FIRRM: variants seen among roughly 807,000 people sequenced by gnomAD.
The protein encoded by FIRRM is FIGNL1 interacting regulator of recombination and mitosis, also known as FIGNL1-interacting regulator of recombination and mitosis.
At chr1:169,832,417 A>G in the FIRRM span, 1 of 1,610,038 alleles carries the variant, frequency 6.2e-7, no homozygotes, top group African/African-American at 1.3e-5. Context: ...CTTTTTCCAG[A>G]TAAAGTCATG....
At chr1:169,845,524 A>T in the FIRRM span, among the ~76,000 whole-genome samples, 1 of 152,232 alleles carries the variant, frequency 6.6e-6, no homozygotes, top group Non-Finnish European at 1.5e-5. Flanking sequence ...TTTCAAAATT[A>T]GAGTCAATCT....
the FIRRM span, chr1:169,802,811 T>C: frequency 1.4e-6 from 1 of 726,782 alleles, no homozygotes; most frequent in Non-Finnish European, 2.4e-6. Context: ...AGCTATGTAT[T>C]CTTATGTAAT....
At chr1:169,833,757 A>G in the FIRRM span, among the ~76,000 whole-genome samples, 5 of 152,172 alleles carry the variant, frequency 3.3e-5, no homozygotes, top group East Asian at 9.7e-4. Flanking sequence ...GCTTGCTTAC[A>G]AAAGAATTTT....
At chr1:169,848,867 G>A in the FIRRM span, among the ~76,000 whole-genome samples, 2 of 152,204 alleles carry the variant, frequency 1.3e-5, no homozygotes, top group Non-Finnish European at 2.9e-5. Flanking sequence ...AAATTTTTGA[G>A]ATTCATCAGA....
the FIRRM span, among the ~76,000 whole-genome samples, chr1:169,813,964 T>A: frequency 2.0e-5 from 3 of 152,242 alleles, no homozygotes; most frequent in African/African-American, 4.8e-5. Flanking sequence ...TGACTCTGTT[T>A]TAGTTGGGTA....
the FIRRM span, chr1:169,853,342 T>A: frequency 1.5e-5 from 5 of 324,454 alleles, no homozygotes; most frequent in African/African-American, 4.3e-5. Flanking sequence ...AGCTTACTCT[T>A]ATGTTAAAGA....
At chr1:169,795,536 T>C in the FIRRM span, 5 of 1,091,520 alleles carry the variant, frequency 4.6e-6, no homozygotes, top group Non-Finnish European at 5.6e-6. Flanking sequence ...GTAAATACTT[T>C]TGCTAGTGGA....
At chr1:169,809,998 C>T in the FIRRM span, among the ~76,000 whole-genome samples, 183 of 152,278 alleles carry the variant, frequency 1.2e-3, 1 homozygote, top group African/African-American at 4.3e-3. Context: ...AATATCAAGG[C>T]ACCAGTAGAT....
At chr1:169,813,565 G>A in the FIRRM span, among the ~76,000 whole-genome samples, 1 of 152,202 alleles carries the variant, frequency 6.6e-6, no homozygotes, top group Non-Finnish European at 1.5e-5. Context: ...TGATAGGATT[G>A]TGTTATCATT....
chr1:169,827,220 A>G, the FIRRM span: 1 of 1,598,718 alleles, frequency 6.3e-7, no homozygotes, highest in Non-Finnish European at 8.6e-7. Flanking sequence ...AAATAGATTT[A>G]ATGATAAATC....
the FIRRM span, chr1:169,837,108 C>T: frequency 1.9e-6 from 3 of 1,580,824 alleles, no homozygotes; most frequent in Non-Finnish European, 2.6e-6. Flanking sequence ...GAACTAGAAT[C>T]TCTGGTAAGA....
At chr1:169,827,678 C>T in the FIRRM span, 3 of 1,611,536 alleles carry the variant, frequency 1.9e-6, no homozygotes, top group South Asian at 2.2e-5. Flanking sequence ...AATCAGATTT[C>T]TGCTGAATTA....
the FIRRM span, chr1:169,803,999 AT>A: frequency 1.1e-6 from 1 of 917,840 alleles, no homozygotes; most frequent in Non-Finnish European, 1.5e-6. Flanking sequence ...ATGATCTCTA[AT>A]AGTATGAATT....
At chr1:169,800,223 T>A in the FIRRM span, among the ~76,000 whole-genome samples, 44 of 152,122 alleles carry the variant, frequency 2.9e-4, no homozygotes, top group Non-Finnish European at 3.7e-4. Flanking sequence ...ATATTTATTT[T>A]TTGGTAGACA....
chr1:169,820,189 A>G, the FIRRM span, among the ~76,000 whole-genome samples: 7 of 152,174 alleles, frequency 4.6e-5, no homozygotes, highest in African/African-American at 7.2e-5. Flanking sequence ...AAGATAAGAA[A>G]GGGAAAGGAG....
the FIRRM span, among the ~76,000 whole-genome samples, chr1:169,821,387 C>T: frequency 6.6e-6 from 1 of 152,074 alleles, no homozygotes; most frequent in Non-Finnish European, 1.5e-5. Flanking sequence ...ATTTAAATTT[C>T]TTTCACTTTC....
chr1:169,823,290 A>AT, the FIRRM span: 1 of 538,172 alleles, frequency 1.9e-6, no homozygotes, highest in Non-Finnish European at 3.2e-6. Flanking sequence ...AAAACAAATA[A>AT]TTTTTTTAAA....
At chr1:169,827,782 C>T in the FIRRM span, 5 of 1,614,014 alleles carry the variant, frequency 3.1e-6, no homozygotes, top group African/African-American at 5.3e-5. Context: ...GCCATCTCAG[C>T]CTAAGGAAGT....
chr1:169,852,014 G>A, the FIRRM span: 523 of 1,598,258 alleles, frequency 3.3e-4, 5 homozygotes, highest in Admixed American at 7.8e-3. Flanking sequence ...AAACAAACCA[G>A]TGTGGTTTCC....
Sources: allele counts gnomAD v4.1 joint callset (sites outside exome capture counted in the v4.1 genomes callset), GRCh38; gene constraint gnomAD v4.1.1; transcripts MANE v1.5; gene names NCBI Gene and HGNC (gene_info 2026-07-23, HGNC 2026-07-21).